WDFY3: variants seen among roughly 807,000 people sequenced by gnomAD.
The protein encoded by WDFY3 is WD repeat and FYVE domain-containing protein 3.
WDFY3 carries 66 observed loss-of-function variants against 409.6 expected under a neutral mutation model. That is an observed-to-expected ratio of 0.16 (90% CI 0.13 to 0.20). WDFY3 has a LOEUF of 0.20. Among genes scored for constraint, WDFY3 ranks in the 10% least tolerant of loss-of-function variants. WDFY3 has a pLI of 1.00. For missense variants in WDFY3, 3,031 were observed against 4,298.1 expected (o/e 0.71, Z 8.24); for synonymous variants, 1,521 against 1,537.1 (o/e 0.99, Z 0.25).
At chr4:84,961,941 C>G (rs774709470) in intron 1 of WDFY3, among the ~76,000 whole-genome samples, 4 of 152,152 alleles carry the variant, frequency 2.6e-5, no homozygotes, top group Non-Finnish European at 4.4e-5. Flanking sequence ...ACTCAAAAAT[C>G]CCACTCCTAG....
intron 51 of WDFY3, among the ~76,000 whole-genome samples, chr4:84,710,054 A>AT: frequency 1.3e-5 from 2 of 151,946 alleles, no homozygotes; most frequent in South Asian, 2.1e-4. Flanking sequence ...TTTATAATTT[A>AT]TTTTTTGTAG....
chr4:84,835,401 T>A (rs1447204999), intron 7 of WDFY3, among the ~76,000 whole-genome samples: 1 of 152,212 alleles, frequency 6.6e-6, no homozygotes, highest in Admixed American at 6.5e-5. Context: ...TCTTAGCCAA[T>A]CTAATTCAGG....
intron 39 of WDFY3, among the ~76,000 whole-genome samples, chr4:84,739,491 G>A (rs1383969130): frequency 6.6e-6 from 1 of 152,146 alleles, no homozygotes; most frequent in African/African-American, 2.4e-5. Context: ...TAGTGAAGTA[G>A]TTGCAGTTCC....
At chr4:84,948,211 G>A (rs1181148602) in intron 1 of WDFY3, among the ~76,000 whole-genome samples, 1 of 152,138 alleles carries the variant, frequency 6.6e-6, no homozygotes, top group Non-Finnish European at 1.5e-5. Context: ...CTTCCAAAGT[G>A]TGACATGAGA....
At chr4:84,934,655 T>C (rs1008858656) in intron 1 of WDFY3, among the ~76,000 whole-genome samples, 9 of 152,152 alleles carry the variant, frequency 5.9e-5, no homozygotes, top group Non-Finnish European at 1.2e-4. Context: ...TCTTTTAATA[T>C]ATTAATTATT....
chr4:84,751,539 T>C lies in WDFY3; in HGVS notation c.5917A>G (p.Asn1973Asp), dbSNP rs369338678. ...TTGCTGGCAGGAGTGAGACAGAGGT[T>C]GTCTATGATTAAGACCCGCATGAAG... Reference protein sequence around the residue: ...FDFMRVLIIDNLCLTPASKQT... With the variant: ...FDFMRVLIIDDLCLTPASKQT... Residue 1973 changes from asparagine to aspartate, a missense_variant, in exon 36 of 68, where the codon AAC becomes GAC. By Grantham distance (23) the Asn-to-Asp change is conservative. This residue lies in a region of WDFY3 where 314 missense variants were observed against 397.4 expected (regional missense o/e 0.79). Transcript: ENST00000295888. 4.3e-6 allele frequency: 7 copies of C among 1,614,090 alleles called. No individual in the cohort carries two copies. The highest frequency in any genetic ancestry group is 5.9e-6 in the Non-Finnish European group (7 of 1,180,042).
chr4:84,858,975 GAGAC>G (rs1012373710), intron 4 of WDFY3, among the ~76,000 whole-genome samples: 14 of 151,774 alleles, frequency 9.2e-5, no homozygotes, highest in African/African-American at 2.9e-4. Flanking sequence ...GGCATAGAGA[GAGAC>G]AGACAGATAG....
intron 3 of WDFY3, among the ~76,000 whole-genome samples, chr4:84,868,784 T>C (rs1761781413): frequency 6.6e-6 from 1 of 152,162 alleles, no homozygotes; most frequent in Non-Finnish European, 1.5e-5. Context: ...TTGCAACCAC[T>C]AATAGAAGCC....
intron 43 of WDFY3, among the ~76,000 whole-genome samples, chr4:84,734,169 T>C (rs572529375): frequency 6.6e-6 from 1 of 152,314 alleles, no homozygotes; most frequent in Non-Finnish European, 1.5e-5. Flanking sequence ...ACCATTTTCT[T>C]CTGGCCACTG....
intron 1 of WDFY3, among the ~76,000 whole-genome samples, chr4:84,939,367 T>A (rs189788411): frequency 4.7e-4 from 72 of 152,308 alleles, no homozygotes; most frequent in Non-Finnish European, 8.8e-4. Context: ...CACCAATGCA[T>A]AATCACTATA....
chr4:84,677,175 C>CA, intron 67 of WDFY3, 24 bp downstream of exon 67: 1 of 1,613,330 alleles, frequency 6.2e-7, no homozygotes, highest in Non-Finnish European at 8.5e-7. Flanking sequence ...AATGTAAATT[C>CA]AAAAAGCAGA....
At chr4:84,706,931 T>C (rs1163727018) in intron 53 of WDFY3, among the ~76,000 whole-genome samples, 1 of 151,636 alleles carries the variant, frequency 6.6e-6, no homozygotes, top group Non-Finnish European at 1.5e-5. Context: ...ATTATTTATT[T>C]TTACTTCTTT....
At chr4:84,918,311 A>T (rs950363086) in intron 2 of WDFY3, among the ~76,000 whole-genome samples, 1 of 152,190 alleles carries the variant, frequency 6.6e-6, no homozygotes, top group African/African-American at 2.4e-5. Flanking sequence ...ACAAACATAG[A>T]AAAGAAGATG....
intron 44 of WDFY3, among the ~76,000 whole-genome samples, chr4:84,727,255 AC>A (rs1217774218): frequency 6.6e-6 from 1 of 152,134 alleles, no homozygotes; most frequent in South Asian, 2.1e-4. Flanking sequence ...AAAACAAAAA[AC>A]AAAAAACCTG....
At chr4:84,912,496 A>T (rs1041995467) in intron 2 of WDFY3, among the ~76,000 whole-genome samples, 4 of 152,216 alleles carry the variant, frequency 2.6e-5, no homozygotes, top group African/African-American at 9.6e-5. Flanking sequence ...ATTTGAGAAA[A>T]AGCTAAGTCA....
At chr4:84,683,079 C>G (rs1312464212) in intron 63 of WDFY3, 1 of 152,558 alleles carries the variant, frequency 6.6e-6, no homozygotes, top group African/African-American at 2.4e-5. Flanking sequence ...CATTATATAT[C>G]TCCAAGAGGG....
At chr4:84,939,670 C>T (rs1197868123) in intron 1 of WDFY3, among the ~76,000 whole-genome samples, 2 of 151,800 alleles carry the variant, frequency 1.3e-5, no homozygotes, top group African/African-American at 4.8e-5. Flanking sequence ...ATTAAATTAT[C>T]TCAAATTTGG....
chr4:84,744,793 C>T (rs1312850333), intron 36 of WDFY3, among the ~76,000 whole-genome samples: 1 of 129,480 alleles, frequency 7.7e-6, no homozygotes, highest in Non-Finnish European at 1.5e-5. Context: ...GCGGAGCTTG[C>T]AGTGAGCCGA....
chr4:84,847,602 TAAAAAAAAAAA>T (rs757064066), intron 5 of WDFY3, among the ~76,000 whole-genome samples: 5 of 79,140 alleles, frequency 6.3e-5, no homozygotes, highest in Non-Finnish European at 1.0e-4. Context: ...CCGTCTCTAC[TAAAAAAAAAAA>T]AAAAAAAAAA....
Sources: gnomAD v4.1 joint callset for allele counts (sites outside exome capture counted in the v4.1 genomes callset) on GRCh38, gnomAD v4.1.1 for gene constraint, gnomAD v4.1.1 regional missense constraint, MANE v1.5 for transcripts, NCBI Gene and HGNC (gene_info 2026-07-23, HGNC 2026-07-21) for gene names.